TEDC1: variants seen among roughly 807,000 people sequenced by gnomAD.
TEDC1 encodes the protein tubulin epsilon and delta complex protein 1.
In TEDC1, 54 loss-of-function variants were observed where a neutral mutation model predicts 59.9. The ratio of observed to expected loss-of-function variants is 0.90; its 90% confidence interval spans 0.72 to 1.13. TEDC1 has a LOEUF of 1.13. Ranked by LOEUF, TEDC1 falls within the 50% of genes most tolerant of loss-of-function variation. TEDC1 has a pLI of 0.00. For synonymous variants in TEDC1, 353 were observed against 298.1 expected (o/e 1.18, Z -1.90); for missense variants, 734 against 683.4 (o/e 1.07, Z -0.83).
intron 6 of TEDC1, 190 bp from the exon 7 acceptor site, chr14:105,497,167 C>T: frequency 1.5e-6 from 1 of 663,620 alleles, no homozygotes; most frequent in Non-Finnish European, 2.7e-6. Flanking sequence ...GCTGTGGCGT[C>T]CGCACCACAC....
chr14:105,494,113 C>G, intron 5 of TEDC1, 180 bp downstream of exon 5: 3 of 612,588 alleles, frequency 4.9e-6, no homozygotes, highest in African/African-American at 3.7e-5. Flanking sequence ...CTCTGGGCCT[C>G]TCCTAGCCTC....
intron 6 of TEDC1, 61 bp from the exon 7 acceptor site, chr14:105,497,296 C>G: frequency 6.7e-7 from 1 of 1,489,166 alleles, no homozygotes; most frequent in Non-Finnish European, 9.1e-7. Context: ...AGCTGTCCAT[C>G]CGACTGTCTG....
upstream of TEDC1, chr14:105,489,862 C>G (rs2084171112): frequency 6.6e-6 from 1 of 152,432 alleles, no homozygotes; most frequent in East Asian, 1.9e-4. Context: ...GTTGGGAGAG[C>G]GCTGAACAAG....
rs2084384019 is a variant in TEDC1 at position 105,497,912 on chromosome 14, C to T, written c.1093C>T (p.Leu365=). The change falls in exon 8 of 9, where the codon CTG becomes TTG. Residue 365 remains leucine, a synonymous_variant. Transcript: ENST00000392523. ...CGAGTTGGACCTGGTAGTGCGGGAG[C>T]TGCAGGCACTGGAGGAGGAGCTGCG... The part of the protein sequence containing the change: ...GGELDLVVRE[L]QALEEELREA... 6.4e-7 allele frequency: 1 copy of T among 1,552,306 alleles called. No individual in the cohort carries two copies. The highest frequency in any genetic ancestry group is 8.7e-7 in the Non-Finnish European group (1 of 1,148,068).
At chr14:105,491,235 T>A, upstream of TEDC1, 2 of 1,540,016 alleles carry the variant, frequency 1.3e-6, no homozygotes, top group Non-Finnish European at 1.7e-6. Context: ...GCCCGTGCCA[T>A]GATTGGGCTC....
In TEDC1 at chr14:105,496,048, G is replaced by T. The variant is rs1555440381; in HGVS notation, c.853G>T (p.Gly285Trp). 6.5e-7 allele frequency: 1 copy of T among 1,544,880 alleles called. No individual in the cohort carries two copies. The stretch of plus-strand genomic sequence containing the variant: ...CTGGGCAGCACCCTTGGATCCTGGT[G>T]GGGCCTCAGCCTGCAGCCTGCTCTC... ...GDWAAPLDPG[G>W]ASACSLLSPF... The change falls in exon 6 of 9, where the codon GGG becomes TGG. Residue 285 changes from glycine to tryptophan, a missense_variant. By Grantham distance (184) the Gly-to-Trp change is radical (BLOSUM62 -2). Transcript: ENST00000392523.
chr14:105,492,752 C>T lies in TEDC1; in HGVS notation c.585+18C>T. The T allele has an allele frequency of 6.5e-7, 1 of 1,538,160 alleles. No individual in the cohort carries two copies. Among genetic ancestry groups the T allele is most frequent in the Non-Finnish European group, 8.7e-7 (1 of 1,146,100 alleles). ...TGAGCAAGGTAGAGCTGGCACAGGG[C>T]TTCCACTCAGGGGCTGTGTCCCGTG... is the stretch of plus-strand genomic sequence containing the variant. On this transcript the variant is annotated intron_variant, in intron 4 of 8. Coordinates refer to ENST00000392523, the MANE Select transcript of TEDC1 (RefSeq NM_001367178.1).
Position 105,497,458 on chromosome 14 carries a change from G to A in TEDC1, c.978+15G>A, listed in dbSNP as rs372903563. 1.8e-5 allele frequency: 28 copies of A among 1,542,090 alleles called. No homozygotes were observed. Among genetic ancestry groups the A allele is most frequent in the South Asian group, 3.6e-5 (3 of 84,052 alleles). ...GGCGGTGGATGGTGAGGAAGCCCGC[G>A]CATCCCTCTCCCGGCATCCCTTCCC... On this transcript the variant is annotated intron_variant, in intron 7 of 8. Transcript: ENST00000392523.
At chr14:105,491,129 A>G (rs1352479077), upstream of TEDC1, 1 of 1,550,548 alleles carries the variant, frequency 6.4e-7, no homozygotes, top group East Asian at 2.4e-5. Context: ...GTGATTGGGT[A>G]CAGGTCTCGG....
At chr14:105,492,507 C>T in intron 3 of TEDC1, 72 bp from the exon 4 acceptor site, 1 of 1,500,360 alleles carries the variant, frequency 6.7e-7, no homozygotes, top group Non-Finnish European at 8.9e-7. Context: ...GCCTCCACTA[C>T]CGTCTCCATC....
At position 105,495,611 on chromosome 14, in the gene TEDC1, T is replaced by C. The variant is rs1190909525; in HGVS notation, c.685-269T>C. ...CAGCCTGCACTGGCGTTGGCAGTGC[T>C]GAGGCAGCATCCGGGCGTCCTGGTC... On this transcript the variant is annotated intron_variant, in intron 5 of 8. Transcript: ENST00000392523. 3.5e-5 allele frequency: 15 copies of C among 433,358 alleles called. No individual in the cohort carries two copies. In the Middle Eastern group the frequency reaches 1.9e-3, roughly 54 times the overall value. The allele number at this position is 433,358 out of a possible 1,614,324, so 26.8% of individuals were successfully genotyped here.
chr14:105,495,667 G>A (rs1165681984), intron 5 of TEDC1: 2 of 567,038 alleles, frequency 3.5e-6, no homozygotes, highest in Admixed American at 3.2e-5. Context: ...TTGTAGAGGC[G>A]GCTCAGCGAA....
upstream of TEDC1, chr14:105,490,602 G>T (rs1255432501): frequency 6.5e-6 from 1 of 153,168 alleles, no homozygotes; most frequent in Non-Finnish European, 1.5e-5. Context: ...GCTGCCGCGG[G>T]CGGGCGAGGA....
At position 105,498,612 on chromosome 14, in the gene TEDC1, C is replaced by T. The variant is rs587623462; in HGVS notation, c.1159-5C>T. ...ACAGAGCCATTGCCATTGTGTCCCA[C>T]GCAGGCTGGAGGCTGTGGACGGGGG... On this transcript the variant is annotated splice_polypyrimidine_tract_variant and splice_region_variant and intron_variant, in intron 8 of 8. Transcript: ENST00000392523. 237 of 1,533,826 alleles carry T rather than the reference C, an allele frequency of 1.5e-4. No individual in the cohort carries two copies. The highest frequency in any genetic ancestry group is 4.2e-4 in the East Asian group (17 of 40,954).
chr14:105,498,794 C>T lies in TEDC1; in HGVS notation c.1336C>T (p.Leu446=). The T allele has an allele frequency of 1.9e-6, 3 of 1,585,858 alleles. No individual in the cohort carries two copies. In the South Asian group the frequency reaches 3.4e-5, roughly 18 times the overall value. ...REDGAAGDRD[L]RAAVVIRTLR... ...GGATGGGGCAGCAGGGGACCGGGACCTGCGGGCAGCTGTGGTGATCAGGAC... is the reference window on the plus strand; with the variant it reads ...GGATGGGGCAGCAGGGGACCGGGACTTGCGGGCAGCTGTGGTGATCAGGAC... The change falls in exon 9 of 9, where the codon CTG becomes TTG. Residue 446 remains leucine (L), a synonymous_variant. Coordinates refer to ENST00000392523, the MANE Select transcript of TEDC1 (RefSeq NM_001367178.1).
At chr14:105,491,219 G>A (rs1162954026), upstream of TEDC1, 157 of 1,543,140 alleles carry the variant, frequency 1.0e-4, no homozygotes, top group Non-Finnish European at 1.3e-4. Flanking sequence ...TTGGGCGCTG[G>A]ACCCGGCCCG....
intron 6 of TEDC1, 188 bp from the exon 7 acceptor site, chr14:105,497,169 G>A (rs1236920019): frequency 2.2e-5 from 15 of 666,898 alleles, no homozygotes; most frequent in African/African-American, 2.2e-4. Context: ...TGTGGCGTCC[G>A]CACCACACCA....
chr14:105,491,297 C>T lies in TEDC1; in HGVS notation c.-79C>T, dbSNP rs1391566129. On this transcript the variant is annotated 5_prime_UTR_variant, in exon 1 of 9. Transcript: ENST00000392523. ...CGCAGGTCCCAGCCGCCGCACTAAA[C>T]CCGGCCCGTGCGGTGATTGGACGCA... 34 of 1,502,614 alleles carry T rather than the reference C, an allele frequency of 2.3e-5. No homozygotes were observed. The highest frequency in any genetic ancestry group is 6.2e-5 in the Admixed American group (3 of 48,082). The allele number at this position is 1,502,614 out of a possible 1,614,324, so 93.1% of individuals were successfully genotyped here.
intron 6 of TEDC1, 53 bp downstream of exon 6, chr14:105,496,139 T>TGGGGGGG: frequency 3.1e-5 from 1 of 32,264 alleles, no homozygotes; most frequent in South Asian, 1.5e-3. Context: ...TGGGGGTGGG[T>TGGGGGGG]GGGAGGGGGT....
Sources: gnomAD v4.1 joint callset for allele counts on GRCh38, gnomAD v4.1.1 for gene constraint, MANE v1.5 for transcripts, NCBI Gene and HGNC (gene_info 2026-07-23, HGNC 2026-07-21) for gene names.